Variants in WDPCP observed in about 807,000 individuals in gnomAD.
WDPCP encodes WD repeat containing planar cell polarity effector, also known as WD repeat-containing and planar cell polarity effector protein fritz homolog.
WDPCP carries 71 observed loss-of-function variants against 93.1 expected under a neutral mutation model. That is an observed-to-expected ratio of 0.76 (90% CI 0.63 to 0.93). The LOEUF (loss-of-function observed/expected upper bound fraction) is 0.93, where lower values mean the gene tolerates loss of function less well. Ranked by LOEUF, WDPCP falls within the 40% of genes least tolerant of loss-of-function variation. The pLI, the probability that WDPCP is intolerant of heterozygous loss-of-function variation, is 0.00. For synonymous variants in WDPCP, 315 were observed against 315.0 expected (o/e 1.00, Z 0.00); for missense variants, 844 against 887.4 (o/e 0.95, Z 0.62).
chr2:63,670,185 T>C (rs552261614), intron 2 of WDPCP, among the ~76,000 whole-genome samples: 14 of 152,298 alleles, frequency 9.2e-5, no homozygotes, highest in African/African-American at 3.4e-4. Context: ...TCTAACATGA[T>C]GTAATTTTAT....
chr2:63,418,827 G>A (rs1260986126), intron 9 of WDPCP, among the ~76,000 whole-genome samples: 1 of 152,132 alleles, frequency 6.6e-6, no homozygotes, highest in Non-Finnish European at 1.5e-5. Context: ...TTAATTCTAA[G>A]GCAATAGGGT....
chr2:63,307,860 C>G (rs925322303), intron 13 of WDPCP, among the ~76,000 whole-genome samples: 2 of 152,116 alleles, frequency 1.3e-5, no homozygotes, highest in Non-Finnish European at 2.9e-5. Context: ...GCAACAAAAG[C>G]CGAAATTGAC....
chr2:63,337,270 T>C (rs1688451439), intron 12 of WDPCP, among the ~76,000 whole-genome samples: 1 of 152,194 alleles, frequency 6.6e-6, no homozygotes, highest in Non-Finnish European at 1.5e-5. Flanking sequence ...CTTATTTCAC[T>C]TAACATAATG....
At chr2:63,409,090 C>A (rs931771350) in intron 9 of WDPCP, among the ~76,000 whole-genome samples, 1 of 152,208 alleles carries the variant, frequency 6.6e-6, no homozygotes, top group East Asian at 1.9e-4. Flanking sequence ...AGGAGGCCAA[C>A]GACCACTAAA....
At chr2:63,795,888 C>T (rs938977614) in intron 2 of WDPCP, among the ~76,000 whole-genome samples, 1 of 152,298 alleles carries the variant, frequency 6.6e-6, no homozygotes, top group African/African-American at 2.4e-5. Context: ...AAGAATCTTA[C>T]TTTTGTTCAG....
intron 1 of WDPCP, among the ~76,000 whole-genome samples, chr2:63,815,034 G>A (rs1285874215): frequency 6.6e-6 from 1 of 151,862 alleles, no homozygotes. Context: ...TGAGATTTTC[G>A]ATTTATAGAC....
intron 1 of WDPCP, among the ~76,000 whole-genome samples, chr2:63,823,172 T>C (rs1335249522): frequency 6.7e-6 from 1 of 150,086 alleles, no homozygotes; most frequent in African/African-American, 2.4e-5. Context: ...ATTTAAAAAA[T>C]TTCATTTAGG....
chr2:63,468,485 C>A (rs1252266362), intron 6 of WDPCP, among the ~76,000 whole-genome samples: 1 of 152,218 alleles, frequency 6.6e-6, no homozygotes, highest in Non-Finnish European at 1.5e-5. Flanking sequence ...ATTTTCAATT[C>A]TCTTAGCAGC....
At chr2:63,408,957 C>T (rs1694812535) in intron 9 of WDPCP, among the ~76,000 whole-genome samples, 1 of 152,156 alleles carries the variant, frequency 6.6e-6, no homozygotes, top group Admixed American at 6.5e-5. Context: ...TGGTCCTTCC[C>T]TACCCACCCT....
chr2:63,631,718 G>T (rs1052032006), intron 3 of WDPCP, among the ~76,000 whole-genome samples: 1 of 152,326 alleles, frequency 6.6e-6, no homozygotes. Flanking sequence ...AGATGGCTGG[G>T]AGTAAAGGCA....
At chr2:63,795,617 A>C (rs1436921175) in intron 2 of WDPCP, among the ~76,000 whole-genome samples, 3 of 152,126 alleles carry the variant, frequency 2.0e-5, no homozygotes, top group Non-Finnish European at 4.4e-5. Context: ...AAAGAAAGAA[A>C]GAGAAAGAAA....
At chr2:63,637,848 G>T (rs952353363) in intron 3 of WDPCP, among the ~76,000 whole-genome samples, 3 of 152,086 alleles carry the variant, frequency 2.0e-5, no homozygotes, top group Admixed American at 2.0e-4. Flanking sequence ...AATGTAAATT[G>T]GTATAGCTAC....
At chr2:63,714,823 C>T (rs1056307005) in intron 2 of WDPCP, among the ~76,000 whole-genome samples, 3 of 151,992 alleles carry the variant, frequency 2.0e-5, no homozygotes, top group Non-Finnish European at 4.4e-5. Flanking sequence ...AGTGAGACTC[C>T]GTCTCAAAAC....
chr2:63,225,291 C>T (rs1678192797), intron 14 of WDPCP, among the ~76,000 whole-genome samples: 1 of 151,574 alleles, frequency 6.6e-6, no homozygotes, highest in African/African-American at 2.4e-5. Flanking sequence ...TCCAAATTCC[C>T]AATAAACATA....
At chr2:63,194,279 A>G (rs891875350) in intron 14 of WDPCP, among the ~76,000 whole-genome samples, 2 of 152,114 alleles carry the variant, frequency 1.3e-5, no homozygotes, top group African/African-American at 4.8e-5. Flanking sequence ...TAGGATGTTC[A>G]ATAAGTGTCA....
chr2:63,294,508 G>GAAAA (rs59228476), intron 13 of WDPCP, among the ~76,000 whole-genome samples: 2 of 48,324 alleles, frequency 4.1e-5, no homozygotes, highest in Non-Finnish European at 7.2e-5. Context: ...AGACTGTTTC[G>GAAAA]AAAAAAAAAA....
chr2:63,684,730 T>C (rs1668782684), intron 2 of WDPCP: 1 of 613,672 alleles, frequency 1.6e-6, no homozygotes, highest in Non-Finnish European at 3.1e-6. Context: ...TTTGTTTTGG[T>C]CATTAAAAAT....
chr2:63,431,990 G>C lies in WDPCP; in HGVS notation c.825+1755C>G, dbSNP rs191989865. Among the ~76,000 whole-genome samples, 5 of 150,750 alleles carry C rather than the reference G, an allele frequency of 3.3e-5. No homozygotes were observed. In the East Asian group the frequency reaches 7.8e-4, roughly 24 times the overall value. ...TAATTTTCTATAAACACCAATTGTG[G>C]AAAAAAAAGGAAAAAAACAACCCTT... On this transcript the variant is annotated intron_variant, in intron 9 of 17. Transcript: ENST00000272321.
intron 15 of WDPCP, among the ~76,000 whole-genome samples, chr2:63,166,049 TC>T (rs1467883104): frequency 2.0e-5 from 3 of 151,922 alleles, no homozygotes; most frequent in Admixed American, 2.0e-4. Context: ...TTTGTAAATT[TC>T]TTTTTTTTAA....
Sources: gnomAD v4.1 joint callset for allele counts (sites outside exome capture counted in the v4.1 genomes callset) on GRCh38, gnomAD v4.1.1 for gene constraint, MANE v1.5 for transcripts, NCBI Gene and HGNC (gene_info 2026-07-23, HGNC 2026-07-21) for gene names.